VIPR1: variants seen among roughly 807,000 people sequenced by gnomAD.
The protein encoded by VIPR1 is vasoactive intestinal peptide receptor 1, also known as vasoactive intestinal polypeptide receptor 1.
In VIPR1, 59 loss-of-function variants were observed where a neutral mutation model predicts 58.8. That is an observed-to-expected ratio of 1.00 (90% confidence interval 0.81 to 1.25). VIPR1 has a LOEUF of 1.25. Ranked by LOEUF, VIPR1 falls within the 50% of genes most tolerant of loss-of-function variation. VIPR1 has a pLI of 0.00. For synonymous variants in VIPR1, 251 were observed against 242.1 expected, an observed-to-expected ratio of 1.04 and a Z score of -0.34; for missense variants, 626 against 602.7, an observed-to-expected ratio of 1.04 and a Z score of -0.40.
In VIPR1 at chr3:42,531,860, C is replaced by T. The variant is rs573577935; in HGVS notation, c.909C>T (p.Thr303=). Reference sequence around the variant, plus strand: ...GGATCATAAAGGGCCCCATCCTCACCTCCATCTTGGTAAGATACCCTCCCA... The same window carrying T: ...GGATCATAAAGGGCCCCATCCTCACTTCCATCTTGGTAAGATACCCTCCCA... ...LWWIIKGPIL[T]SILVNFILFI... Residue 303 remains threonine, a synonymous_variant, in exon 9 of 13, where the codon ACC becomes ACT. Coordinates refer to ENST00000325123, the MANE Select transcript of VIPR1 (RefSeq NM_004624.4). 2 of 1,614,194 alleles carry T rather than the reference C, an allele frequency of 1.2e-6. No homozygotes were observed. Among genetic ancestry groups the T allele is most frequent in the Non-Finnish European group, 1.7e-6 (2 of 1,180,026 alleles).
At chr3:42,534,756 C>T (rs1701751674) in intron 10 of VIPR1, 2 of 495,962 alleles carry the variant, frequency 4.0e-6, no homozygotes, top group Non-Finnish European at 3.5e-6. Context: ...CTCATGCTTC[C>T]CTCCAGGCCA....
chr3:42,525,790 G>A, intron 3 of VIPR1, 97 bp from the exon 4 acceptor site: 1 of 1,275,130 alleles, frequency 7.8e-7, no homozygotes, highest in South Asian at 1.4e-5. Flanking sequence ...GGGTTGGTGG[G>A]AGTAGGGCTG....
At chr3:42,531,665 G>A (rs1701562374) in intron 8 of VIPR1, 134 bp downstream of exon 8, 14 of 1,545,756 alleles carry the variant, frequency 9.1e-6, no homozygotes, top group Non-Finnish European at 1.2e-5. Context: ...GCTGGAGGAG[G>A]ACCTGGGGAG....
At chr3:42,534,689 T>G in intron 10 of VIPR1, 1 of 281,400 alleles carries the variant, frequency 3.6e-6, no homozygotes, top group Non-Finnish European at 6.7e-6. Flanking sequence ...TGGCCTCTCC[T>G]TTACCTCTTA....
At chr3:42,497,897 A>G (rs1699796765), upstream of VIPR1, among the ~76,000 whole-genome samples, 2 of 152,110 alleles carry the variant, frequency 1.3e-5, no homozygotes, top group Admixed American at 1.3e-4. Context: ...GTATCTCTTT[A>G]TCATCAGTGT....
upstream of VIPR1, among the ~76,000 whole-genome samples, chr3:42,499,321 A>C (rs936843506): frequency 9.9e-5 from 15 of 152,152 alleles, no homozygotes; most frequent in African/African-American, 2.9e-4. Flanking sequence ...CACGATTCTG[A>C]GAGGAGGCGA....
upstream of VIPR1, among the ~76,000 whole-genome samples, chr3:42,501,584 G>T (rs1699871496): frequency 6.6e-6 from 1 of 152,198 alleles, no homozygotes; most frequent in African/African-American, 2.4e-5. This position sits in a 1 kb window ranked among gnomAD's most constrained non-coding sequence, Gnocchi z 4.8. Flanking sequence ...CTCCCAGGGC[G>T]CAGAGCTGGT....
At chr3:42,495,133 T>C (rs1386962282) in intron 1 of VIPR1, among the ~76,000 whole-genome samples, 1 of 152,146 alleles carries the variant, frequency 6.6e-6, no homozygotes, top group Non-Finnish European at 1.5e-5. Context: ...ATATTTTTTA[T>C]TTTTTTGAGA....
chr3:42,507,253 C>T (rs1223988323), intron 1 of VIPR1: 4 of 152,202 alleles, frequency 2.6e-5, no homozygotes, highest in South Asian at 2.1e-4. Flanking sequence ...TTGGTCTTCT[C>T]GCAGGAGTTT....
chr3:42,507,074 T>G (rs765505941), intron 1 of VIPR1: 3 of 152,194 alleles, frequency 2.0e-5, no homozygotes, highest in Non-Finnish European at 4.4e-5. Flanking sequence ...TTACCCCAAA[T>G]CATTTCAGAA....
At chr3:42,499,036 C>A (rs1699818589), upstream of VIPR1, among the ~76,000 whole-genome samples, 2 of 152,220 alleles carry the variant, frequency 1.3e-5, no homozygotes, top group African/African-American at 4.8e-5. Flanking sequence ...ACCAGCCCCG[C>A]TCTATGGATA....
rs367876745 is a variant in VIPR1, at chr3:42,532,266, A to G, written c.943A>G (p.Ile315Val). ...ILVNFILFIC[I>V]IRILLQKLRP... Reference sequence around the variant, plus strand: ...GGTAAACTTCATCCTGTTTATTTGCATCATCCGAATCCTGCTTCAGAAACT... The same window carrying G: ...GGTAAACTTCATCCTGTTTATTTGCGTCATCCGAATCCTGCTTCAGAAACT... The change falls in exon 10 of 13, where the codon ATC becomes GTC. Residue 315 changes from isoleucine to valine, a missense_variant. Physicochemically the swap from Ile to Val is conservative, Grantham distance 29. Transcript: ENST00000325123. 2.4e-5 allele frequency: 38 copies of G among 1,614,018 alleles called. No individual in the cohort carries two copies. The highest frequency in any genetic ancestry group is 3.1e-5 in the Non-Finnish European group (36 of 1,180,028).
chr3:42,491,617 C>A (rs1699667048), intron 1 of VIPR1, among the ~76,000 whole-genome samples: 1 of 152,110 alleles, frequency 6.6e-6, no homozygotes. Context: ...CTGTGTCACC[C>A]AGGCTGGAGT....
At chr3:42,490,207 T>C (rs1164923506) in intron 1 of VIPR1, among the ~76,000 whole-genome samples, 2 of 151,774 alleles carry the variant, frequency 1.3e-5, no homozygotes, top group Non-Finnish European at 2.9e-5. Context: ...AAAGAAGGGG[T>C]TAAATAATCT....
intron 2 of VIPR1, among the ~76,000 whole-genome samples, chr3:42,515,470 T>C (rs564969575): frequency 7.2e-5 from 11 of 152,306 alleles, no homozygotes; most frequent in African/African-American, 2.2e-4. Context: ...GGTGGGATCA[T>C]AGGCAGCCCC....
intron 2 of VIPR1, among the ~76,000 whole-genome samples, chr3:42,518,323 A>G (rs1002956118): frequency 6.6e-6 from 1 of 152,140 alleles, no homozygotes; most frequent in Admixed American, 6.5e-5. Flanking sequence ...GGGTATCATG[A>G]TTTTCCAAAA....
intron 3 of VIPR1, among the ~76,000 whole-genome samples, chr3:42,524,076 A>G (rs1309855342): frequency 1.3e-5 from 2 of 152,184 alleles, no homozygotes; most frequent in African/African-American, 4.8e-5. Context: ...TGGCCTACCA[A>G]ACTGCTGGGA....
chr3:42,527,305 A>T (rs1701283942), intron 4 of VIPR1, 88 bp from the exon 5 acceptor site: 18 of 1,250,684 alleles, frequency 1.4e-5, no homozygotes, highest in Non-Finnish European at 2.1e-5. Flanking sequence ...GGGCAGGCAG[A>T]GTGTGTAGGG....
upstream of VIPR1, among the ~76,000 whole-genome samples, chr3:42,497,708 T>C (rs1223466879): frequency 2.0e-5 from 3 of 152,210 alleles, no homozygotes; most frequent in Non-Finnish European, 4.4e-5. Flanking sequence ...GATACCGTTC[T>C]TGTGGTAGTG....
Sources: allele counts gnomAD v4.1 joint callset (sites outside exome capture counted in the v4.1 genomes callset), GRCh38; gene constraint gnomAD v4.1.1; non-coding constraint Gnocchi (gnomAD v3.1); transcripts MANE v1.5; gene names NCBI Gene and HGNC (gene_info 2026-07-23, HGNC 2026-07-21).